Variants in FGF10 observed in about 807,000 individuals in gnomAD.
FGF10 encodes the protein FGF-10.
A neutral mutation model predicts 19.8 loss-of-function variants in FGF10; 2 were observed. That is an observed-to-expected ratio of 0.10 (90% CI 0.04 to 0.32). The LOEUF is 0.32. Ranked by LOEUF, FGF10 falls within the 10% of genes least tolerant of loss-of-function variation. FGF10 has a pLI of 1.00. For synonymous variants in FGF10, 112 were observed against 94.0 expected, an observed-to-expected ratio of 1.19 and a Z score of -1.10; for missense variants, 191 against 246.3, an observed-to-expected ratio of 0.78 and a Z score of 1.50.
intron 1 of FGF10, among the ~76,000 whole-genome samples, chr5:44,333,661 T>C (rs1487569079): frequency 2.6e-5 from 4 of 152,148 alleles, no homozygotes; most frequent in African/African-American, 9.7e-5. Flanking sequence ...CCTTAACCAC[T>C]GGATTGTGTT....
chr5:44,313,012 G>A (rs1485756715), intron 1 of FGF10, among the ~76,000 whole-genome samples: 1 of 152,028 alleles, frequency 6.6e-6, no homozygotes, highest in Non-Finnish European at 1.5e-5. Flanking sequence ...TGAAATGGGA[G>A]CACAATATTC....
intron 1 of FGF10, among the ~76,000 whole-genome samples, chr5:44,350,407 AT>A (rs1190227806): frequency 1.3e-5 from 2 of 150,916 alleles, no homozygotes; most frequent in Admixed American, 6.6e-5. Context: ...AGGGAAAAAA[AT>A]AAAAAGAAAT....
chr5:44,346,200 G>C (rs1265592382), intron 1 of FGF10, among the ~76,000 whole-genome samples: 1 of 151,504 alleles, frequency 6.6e-6, no homozygotes, highest in Non-Finnish European at 1.5e-5. Context: ...AGTCAAACAT[G>C]AACACTTACT....
chr5:44,358,803 A>G (rs1417831306), intron 1 of FGF10, among the ~76,000 whole-genome samples: 1 of 151,478 alleles, frequency 6.6e-6, no homozygotes, highest in Admixed American at 6.6e-5. Context: ...ACCTCCGCAC[A>G]TCAGTTTTAA....
intron 1 of FGF10, among the ~76,000 whole-genome samples, chr5:44,321,286 T>C (rs1740480295): frequency 6.6e-6 from 1 of 152,170 alleles, no homozygotes; most frequent in African/African-American, 2.4e-5. Context: ...GCACAATTGT[T>C]AGAGAGGACT....
chr5:44,313,161 G>A (rs949775607), intron 1 of FGF10, among the ~76,000 whole-genome samples: 9 of 151,888 alleles, frequency 5.9e-5, no homozygotes, highest in East Asian at 1.9e-4. Context: ...ATATCCTTTC[G>A]AATTTTGAAA....
intron 2 of FGF10, among the ~76,000 whole-genome samples, chr5:44,305,998 A>G (rs1338106073): frequency 6.6e-6 from 1 of 152,190 alleles, no homozygotes; most frequent in Admixed American, 6.5e-5. Flanking sequence ...AATTGGATTT[A>G]AGGAGACATT....
intron 1 of FGF10, among the ~76,000 whole-genome samples, chr5:44,363,341 T>A (rs866125898): frequency 6.6e-6 from 1 of 151,790 alleles, no homozygotes; most frequent in African/African-American, 2.4e-5. Context: ...GAAACTTAGA[T>A]AAATGGAAGA....
chr5:44,360,849 G>A (rs929119151), intron 1 of FGF10, among the ~76,000 whole-genome samples: 1 of 151,658 alleles, frequency 6.6e-6, no homozygotes, highest in Non-Finnish European at 1.5e-5. Flanking sequence ...AATTGTGAAA[G>A]AATATTAATG....
At position 44,301,814 on chromosome 5, in the gene FGF10, A is replaced by T. The variant is rs1739970617; in HGVS notation, c.*3181T>A. Among the ~76,000 whole-genome samples the T allele has an allele frequency of 6.6e-6, 1 of 152,184 alleles. No homozygotes were observed. Among genetic ancestry groups the T allele is most frequent in the Non-Finnish European group, 1.5e-5 (1 of 68,040 alleles). On this transcript the variant is annotated 3_prime_UTR_variant, in exon 3 of 3. Transcript: ENST00000264664. ...CACTTGAGCTTCTCTCTTTATTACC[A>T]GGTAGAGTTTCTGACTAATAAAACA...
chr5:44,315,179 A>G (rs1740307589), intron 1 of FGF10, among the ~76,000 whole-genome samples: 1 of 61,230 alleles, frequency 1.6e-5, no homozygotes, highest in Non-Finnish European at 3.0e-5. Context: ...AGTAATGACA[A>G]TACAAAAAAA....
At chr5:44,351,442 CT>C (rs889468761) in intron 1 of FGF10, among the ~76,000 whole-genome samples, 1 of 151,440 alleles carries the variant, frequency 6.6e-6, no homozygotes, top group South Asian at 2.1e-4. Context: ...TTGATAGAAT[CT>C]TTTTTTAACA....
At chr5:44,347,189 T>C (rs892958164) in intron 1 of FGF10, among the ~76,000 whole-genome samples, 2 of 151,732 alleles carry the variant, frequency 1.3e-5, no homozygotes, top group African/African-American at 4.8e-5. Flanking sequence ...GCATGAGTCA[T>C]AATATCTCCC....
At chr5:44,339,942 T>A (rs1273133193) in intron 1 of FGF10, among the ~76,000 whole-genome samples, 1 of 152,146 alleles carries the variant, frequency 6.6e-6, no homozygotes, top group Non-Finnish European at 1.5e-5. Flanking sequence ...TTCTCCACTA[T>A]TTGGTTAGTT....
intron 1 of FGF10, among the ~76,000 whole-genome samples, chr5:44,316,523 A>G (rs1250053729): frequency 2.0e-5 from 3 of 152,154 alleles, no homozygotes; most frequent in African/African-American, 7.2e-5. Flanking sequence ...TTCCTGGCAT[A>G]TTTCCAAACA....
chr5:44,368,422 C>T (rs1030279818), intron 1 of FGF10, among the ~76,000 whole-genome samples: 21 of 152,158 alleles, frequency 1.4e-4, no homozygotes, highest in South Asian at 4.2e-4. Flanking sequence ...AATTTCAAAC[C>T]TCCACACCTC....
chr5:44,346,199 T>C (rs905717650), intron 1 of FGF10, among the ~76,000 whole-genome samples: 6 of 151,806 alleles, frequency 4.0e-5, no homozygotes, highest in Admixed American at 6.6e-5. Context: ...CAGTCAAACA[T>C]GAACACTTAC....
chr5:44,378,579 C>T (rs562612584), intron 1 of FGF10, among the ~76,000 whole-genome samples: 20 of 152,030 alleles, frequency 1.3e-4, no homozygotes, highest in Non-Finnish European at 2.5e-4. Flanking sequence ...CCACAGGCGC[C>T]CGCCACCGCG....
At position 44,303,645 on chromosome 5, in the gene FGF10, T is replaced by C. The variant is rs1740009060; in HGVS notation, c.*1350A>G. On this transcript the variant is annotated 3_prime_UTR_variant, in exon 3 of 3. Coordinates refer to ENST00000264664, the MANE Select transcript of FGF10 (RefSeq NM_004465.2). The stretch of plus-strand genomic sequence containing the variant: ...CTAACAAAATGAATTTTGATATGGT[T>C]ACATTATGGAACTTTGTAAAGCTCT... 6.6e-6 allele frequency: 1 copy of C among 152,202 alleles called. No homozygotes were observed. The highest frequency in any genetic ancestry group is 1.9e-4 in the East Asian group (1 of 5,198). The allele number at this position is 152,202 out of a possible 1,614,324, so 9.4% of individuals were successfully genotyped here.
Sources: gnomAD v4.1 joint callset for allele counts (sites outside exome capture counted in the v4.1 genomes callset) on GRCh38, gnomAD v4.1.1 for gene constraint, MANE v1.5 for transcripts, NCBI Gene and HGNC (gene_info 2026-07-23, HGNC 2026-07-21) for gene names.